RYR2: variants seen among roughly 807,000 people sequenced by gnomAD.
The protein encoded by RYR2 is cardiac muscle ryanodine receptor-calcium release channel.
In RYR2, 227 loss-of-function variants were observed where a neutral mutation model predicts 601.1. That is an observed-to-expected ratio of 0.38 (90% CI 0.34 to 0.42). The LOEUF (loss-of-function observed/expected upper bound fraction) is 0.42, where lower values mean the gene tolerates loss of function less well. Ranked by LOEUF, RYR2 falls within the 10% of genes least tolerant of loss-of-function variation. RYR2 has a pLI of 1.00. For synonymous variants in RYR2, 2,223 were observed against 2,175.1 expected (o/e 1.02, Z -0.61); for missense variants, 4,646 against 6,156.5 (o/e 0.75, Z 8.21).
chr1:237,344,330 T>C (rs1698106336), intron 3 of RYR2, among the ~76,000 whole-genome samples: 1 of 152,186 alleles, frequency 6.6e-6, no homozygotes, highest in Non-Finnish European at 1.5e-5. Context: ...CTAATTTAAC[T>C]GCTATCCTGT....
intron 12 of RYR2, among the ~76,000 whole-genome samples, chr1:237,430,472 G>T (rs1706695433): frequency 6.6e-6 from 1 of 151,988 alleles, no homozygotes; most frequent in African/African-American, 2.4e-5. Flanking sequence ...GTTTGTATAT[G>T]ATTTTATGGT....
chr1:237,133,345 C>T (rs1313890878), intron 1 of RYR2, among the ~76,000 whole-genome samples: 2 of 152,048 alleles, frequency 1.3e-5, no homozygotes, highest in Admixed American at 6.5e-5. Context: ...TGATTTAGAC[C>T]ATTGGTTTAG....
At chr1:237,346,367 C>CAAAAAAAAAAAAAAAAA (rs397975831) in intron 3 of RYR2, among the ~76,000 whole-genome samples, 78 of 62,300 alleles carry the variant, frequency 1.3e-3, no homozygotes, top group African/African-American at 3.8e-3. Flanking sequence ...GGGTCTACCT[C>CAAAAAAAAAAAAAAAAA]AAAAAAAAAA....
chr1:237,069,285 C>T (rs918343097), intron 1 of RYR2, among the ~76,000 whole-genome samples: 1 of 151,928 alleles, frequency 6.6e-6, no homozygotes, highest in Non-Finnish European at 1.5e-5. Flanking sequence ...AGCAATAGAA[C>T]TTAAAGAGAG....
chr1:237,397,407 C>T (rs182888832), intron 10 of RYR2, among the ~76,000 whole-genome samples: 21 of 152,182 alleles, frequency 1.4e-4, no homozygotes, highest in African/African-American at 4.6e-4. Flanking sequence ...CGTTATGTCA[C>T]GACTATGTTT....
intron 1 of RYR2, among the ~76,000 whole-genome samples, chr1:237,090,585 A>C (rs1666855480): frequency 6.6e-6 from 1 of 152,244 alleles, no homozygotes; most frequent in Non-Finnish European, 1.5e-5. Flanking sequence ...ATAAATTTGC[A>C]TTGTTTTAAG....
At chr1:237,787,609 A>C (rs920810972) in intron 91 of RYR2, among the ~76,000 whole-genome samples, 13 of 151,544 alleles carry the variant, frequency 8.6e-5, no homozygotes, top group South Asian at 2.1e-4. Flanking sequence ...AAAAAAAAAA[A>C]AAAAAAAAAG....
chr1:237,224,074 A>G (rs952763328), intron 1 of RYR2, among the ~76,000 whole-genome samples: 1 of 152,218 alleles, frequency 6.6e-6, no homozygotes, highest in Non-Finnish European at 1.5e-5. Flanking sequence ...TAATAGTATT[A>G]ATAACAAGAG....
intron 2 of RYR2, among the ~76,000 whole-genome samples, chr1:237,300,083 C>A (rs1693200153): frequency 6.6e-6 from 1 of 152,126 alleles, no homozygotes; most frequent in Non-Finnish European, 1.5e-5. Context: ...AGTTTTCACT[C>A]ACTTTTTGTT....
rs1159892117 is a variant in RYR2, at chr1:237,493,035, C to A, written c.1909C>A (p.Leu637Ile). ...SNQHLICDNL[L>I]PGRDLLLQTR... Reference sequence around the variant, plus strand: ...CCAGCATCTCATCTGTGACAATCTCCTACCAGGAAGAGACTTGTTATTGCA... The same window carrying A: ...CCAGCATCTCATCTGTGACAATCTCATACCAGGAAGAGACTTGTTATTGCA... The change falls in exon 19 of 105, where the codon CTA becomes ATA. Residue 637 changes from leucine (L) to isoleucine (I), a missense_variant. Leu to Ile is a conservative substitution (Grantham distance 5, BLOSUM62 2). Coordinates refer to ENST00000366574, the MANE Select transcript of RYR2 (RefSeq NM_001035.3). The A allele has an allele frequency of 2.5e-6, 4 of 1,613,024 alleles. No individual in the cohort carries two copies. The highest frequency in any genetic ancestry group is 1.7e-5 in the Admixed American group (1 of 59,892).
intron 1 of RYR2, among the ~76,000 whole-genome samples, chr1:237,229,637 C>T (rs796417091): frequency 5.3e-5 from 8 of 152,342 alleles, no homozygotes; most frequent in African/African-American, 1.9e-4. Context: ...CATCCTGATG[C>T]TCCACACACC....
At chr1:237,641,264 A>C (rs1009864091) in intron 47 of RYR2, among the ~76,000 whole-genome samples, 21 of 152,116 alleles carry the variant, frequency 1.4e-4, no homozygotes, top group Non-Finnish European at 2.2e-4. Context: ...ACAGCCTCCC[A>C]CATTTTAAGA....
chr1:237,727,286 A>G (rs780741153), intron 76 of RYR2, 87 bp downstream of exon 76: 13 of 524,806 alleles, frequency 2.5e-5, no homozygotes, highest in Non-Finnish European at 4.4e-5. Context: ...TAATAGGGGT[A>G]CAATAGTCCA....
chr1:237,355,196 A>G (rs1699192089), intron 3 of RYR2, among the ~76,000 whole-genome samples: 1 of 152,258 alleles, frequency 6.6e-6, no homozygotes, highest in South Asian at 2.1e-4. Flanking sequence ...TATACATTCT[A>G]TAGATGGGAG....
chr1:237,103,527 AC>A (rs1442482018), intron 1 of RYR2, among the ~76,000 whole-genome samples: 1 of 152,070 alleles, frequency 6.6e-6, no homozygotes, highest in African/African-American at 2.4e-5. Flanking sequence ...TCTGACCACC[AC>A]CTTCCTTTGG....
rs2805421 is a variant in RYR2, at chr1:237,452,077, T to G, written c.1293-2314T>G. On this transcript the variant is annotated intron_variant, in intron 14 of 104. Coordinates refer to ENST00000366574, the MANE Select transcript of RYR2 (RefSeq NM_001035.3). Reference sequence around the variant, plus strand: ...TGGGGTGGGGAATATATATAAAATTTTGTGTGTGTGTGTGTGTGTGTGTGT... The same window carrying G: ...TGGGGTGGGGAATATATATAAAATTGTGTGTGTGTGTGTGTGTGTGTGTGT... Among the ~76,000 whole-genome samples, 590 of 74,466 alleles carry G rather than the reference T, an allele frequency of 7.9e-3. 3 individuals are homozygous for G. The highest frequency in any genetic ancestry group is 0.027 in the Middle Eastern group (4 of 150). 48.9% of individuals were successfully genotyped at this position (74,466 alleles called of 152,430 possible).
At chr1:237,612,625 A>T (rs1179390853) in intron 36 of RYR2, among the ~76,000 whole-genome samples, 2 of 152,082 alleles carry the variant, frequency 1.3e-5, no homozygotes, top group Non-Finnish European at 2.9e-5. Context: ...GAAGAGTTTT[A>T]TCATAATTTT....
intron 17 of RYR2, among the ~76,000 whole-genome samples, chr1:237,474,812 G>A (rs1457968600): frequency 6.6e-6 from 1 of 152,170 alleles, no homozygotes; most frequent in African/African-American, 2.4e-5. Context: ...AGGAAGGAGG[G>A]ACTGAGGAAA....
intron 100 of RYR2, 88 bp downstream of exon 100, chr1:237,809,123 CA>C (rs1416480200): frequency 5.8e-6 from 7 of 1,213,044 alleles, no homozygotes; most frequent in Non-Finnish European, 2.4e-6. Context: ...TCTAACAGTA[CA>C]AAATAGAAAA....
Sources: allele counts gnomAD v4.1 joint callset (sites outside exome capture counted in the v4.1 genomes callset), GRCh38; gene constraint gnomAD v4.1.1; transcripts MANE v1.5; gene names NCBI Gene and HGNC (gene_info 2026-07-23, HGNC 2026-07-21).